The following CR1 variants were observed in gnomAD, a reference collection of about 807,000 sequenced individuals.
The protein encoded by CR1 is complement receptor type 1.
In CR1, 116 loss-of-function variants were observed where a neutral mutation model predicts 187.3. The ratio of observed to expected loss-of-function variants is 0.62; its 90% CI spans 0.53 to 0.72. The LOEUF (loss-of-function observed/expected upper bound fraction) is 0.72, where lower values mean the gene tolerates loss of function less well. Ranked by LOEUF, CR1 falls within the 30% of genes least tolerant of loss-of-function variation. CR1 has a pLI of 0.00. For missense variants in CR1, 1,731 were observed against 2,110.7 expected (o/e 0.82, Z 3.52); for synonymous variants, 576 against 747.1 (o/e 0.77, Z 3.73).
chr1:207,611,803 T>G lies in CR1; in HGVS notation c.6422T>G (p.Leu2141Arg). ...PSYDLRGAAS[L>R]HCTPQGDWSP... The stretch of plus-strand genomic sequence containing the variant: ...TATGACCTCAGAGGGGCTGCGTCTC[T>G]GCACTGCACGCCCCAGGGAGACTGG... The change falls in exon 38 of 47, where the codon CTG (leucine) becomes CGG (arginine). Residue 2141 changes from leucine (L) to arginine (R), a missense_variant. Leu to Arg is a moderately radical substitution (Grantham distance 102). This residue lies in a region of CR1 where 1,312 missense variants were observed against 1,379.6 expected (regional missense o/e 0.95). Transcript: ENST00000367049. 6.2e-7 allele frequency: 1 copy of G among 1,614,036 alleles called. No individual in the cohort carries two copies. Among genetic ancestry groups the G allele is most frequent in the South Asian group, 1.1e-5 (1 of 91,090 alleles).
chr1:207,607,921 T>G (rs1204917168), intron 36 of CR1, among the ~76,000 whole-genome samples: 1 of 152,154 alleles, frequency 6.6e-6, no homozygotes, highest in Non-Finnish European at 1.5e-5. Context: ...ATTGGCAAAG[T>G]GTTATAGCTG....
At chr1:207,501,823 T>A (rs1189615802) in intron 1 of CR1, among the ~76,000 whole-genome samples, 4 of 152,146 alleles carry the variant, frequency 2.6e-5, no homozygotes, top group Non-Finnish European at 5.9e-5. Context: ...CATCAATGGA[T>A]AAGACAAATA....
At chr1:207,595,393 A>G (rs1233001810) in intron 35 of CR1, among the ~76,000 whole-genome samples, 1 of 152,172 alleles carries the variant, frequency 6.6e-6, no homozygotes, top group African/African-American at 2.4e-5. Flanking sequence ...AAGGCTTACT[A>G]GACAAATCAA....
At chr1:207,583,831 C>A (rs140144058) in intron 32 of CR1, among the ~76,000 whole-genome samples, 1 of 152,032 alleles carries the variant, frequency 6.6e-6, no homozygotes, top group South Asian at 2.1e-4. Context: ...TACCTGAAAT[C>A]GCTTACTAGA....
At chr1:207,614,018 G>A (rs1662020581) in intron 39 of CR1, among the ~76,000 whole-genome samples, 2 of 152,224 alleles carry the variant, frequency 1.3e-5, no homozygotes, top group East Asian at 3.8e-4. Flanking sequence ...ATGAGAATAA[G>A]TGGGATGTCA....
chr1:207,580,645 T>C (rs1282487418), intron 31 of CR1, 32 bp downstream of exon 31: 1 of 1,574,038 alleles, frequency 6.4e-7, no homozygotes. Flanking sequence ...GATCAGGGAC[T>C]CAGCACTGCA....
rs1214587090 is a variant in CR1 at position 207,640,750 on chromosome 1, T to A, written c.*1341T>A. 1 of 152,264 alleles carries A rather than the reference T, an allele frequency of 6.6e-6. No individual in the cohort carries two copies. The highest frequency in any genetic ancestry group is 1.5e-5 in the Non-Finnish European group (1 of 68,052). 9.4% of individuals were successfully genotyped at this position (152,264 alleles called of 1,614,324 possible). A position where few individuals can be genotyped will look rare whatever the true frequency, so the allele number is the denominator to read the frequency against. ...CCTCTAGAAAACATCAGAATATTTC[T>A]GGATATTTAATAATAGCTTTATATA... On this transcript the variant is annotated 3_prime_UTR_variant, in exon 47 of 47. Coordinates refer to ENST00000367049, the MANE Select transcript of CR1 (RefSeq NM_000651.6).
chr1:207,519,294 T>G (rs1337236699), intron 4 of CR1, among the ~76,000 whole-genome samples: 3 of 151,972 alleles, frequency 2.0e-5, no homozygotes, highest in East Asian at 3.9e-4. Flanking sequence ...AACATTAAAA[T>G]TTAATAATAA....
At chr1:207,636,261 G>A (rs889351162) in intron 46 of CR1, among the ~76,000 whole-genome samples, 2 of 152,024 alleles carry the variant, frequency 1.3e-5, no homozygotes, top group Non-Finnish European at 2.9e-5. Context: ...TAAGATTTGC[G>A]AGGCCATCAG....
chr1:207,580,613 G>T lies in CR1; in HGVS notation c.5216G>T (p.Gly1739Val). The change falls in exon 31 of 47, where the codon GGG (glycine) becomes GTG (valine). Residue 1739 changes from glycine to valine, a missense_variant and splice_region_variant. Gly to Val is a moderately radical substitution (Grantham distance 109, BLOSUM62 -3). Coordinates refer to ENST00000367049, the MANE Select transcript of CR1 (RefSeq NM_000651.6). ...GAKVSFVCDE[G>V]FRLKGSSVSH... The stretch of plus-strand genomic sequence containing the variant: ...AAGGTGTCCTTTGTCTGTGATGAAG[G>T]GTAAGTGTGACCCAGAATTCAGATC... 3 of 1,611,936 alleles carry T rather than the reference G, an allele frequency of 1.9e-6. No homozygotes were observed. The highest frequency in any genetic ancestry group is 2.5e-6 in the Non-Finnish European group (3 of 1,178,788).
intron 35 of CR1, among the ~76,000 whole-genome samples, chr1:207,597,188 G>C (rs1482946405): frequency 6.6e-6 from 1 of 151,076 alleles, no homozygotes; most frequent in Non-Finnish European, 1.5e-5. Context: ...GTTTTGTACA[G>C]TGCTGAGTTC....
Position 207,603,799 on chromosome 1 carries a change from G to A in CR1, c.5811-3452G>A, listed in dbSNP as rs189505906. 1.4e-3 allele frequency among the ~76,000 whole-genome samples: 211 copies of A among 152,200 alleles called. 1 individual carries two copies. The highest frequency in any genetic ancestry group is 0.014 in the Middle Eastern group (4 of 292). On this transcript the variant is annotated intron_variant, in intron 35 of 46. Coordinates refer to ENST00000367049, the MANE Select transcript of CR1 (RefSeq NM_000651.6). ...GTCCTTAATGTCTGGAATTAAAGTGGTTTCGCATTTCAACTGTTAGCAAAA... is the reference window on the plus strand; with the variant it reads ...GTCCTTAATGTCTGGAATTAAAGTGATTTCGCATTTCAACTGTTAGCAAAA...
At chr1:207,612,653 G>A (rs1661968558) in intron 39 of CR1, among the ~76,000 whole-genome samples, 1 of 152,246 alleles carries the variant, frequency 6.6e-6, no homozygotes. Flanking sequence ...TTAGCCCACT[G>A]GGCGGCGTCT....
Position 207,618,113 on chromosome 1 carries a change from G to A in CR1, c.6932G>A (p.Gly2311Glu), listed in dbSNP as rs770551867. Reference sequence around the variant, plus strand: ...AAGATCCAAAACGGGCATTACATTGGAGGACACGTATCTCTATATCTTCCT... The same window carrying A: ...AAGATCCAAAACGGGCATTACATTGAAGGACACGTATCTCTATATCTTCCT... ...PPKIQNGHYIGGHVSLYLPGM... is the reference protein window; with the variant it reads ...PPKIQNGHYIEGHVSLYLPGM... The change falls in exon 42 of 47, where the codon GGA becomes GAA. Residue 2311 changes from glycine to glutamate, a missense_variant. Physicochemically the swap from Gly to Glu is moderately conservative, Grantham distance 98 (BLOSUM62 -2). This residue lies in a region of CR1 where 1,312 missense variants were observed against 1,379.6 expected (regional missense o/e 0.95). Transcript: ENST00000367049. The A allele has an allele frequency of 1.1e-5, 17 of 1,613,776 alleles. No individual in the cohort carries two copies. The Admixed American group carries it at 2.0e-4, about 19-fold the overall frequency.
chr1:207,563,753 C>T, intron 21 of CR1, 111 bp from the exon 22 acceptor site: 1 of 618,506 alleles, frequency 1.6e-6, no homozygotes, highest in Non-Finnish European at 2.3e-6. Context: ...GGCTGTTATT[C>T]TAACTTTATT....
chr1:207,615,483 C>T (rs1406790556), intron 40 of CR1, among the ~76,000 whole-genome samples: 2 of 152,090 alleles, frequency 1.3e-5, no homozygotes, highest in Admixed American at 6.5e-5. Flanking sequence ...GTTTCCAAAC[C>T]ATCCGCTTAA....
chr1:207,523,631 C>T lies in CR1; in HGVS notation c.508C>T (p.Pro170Ser). ...ICDRIPCGLPPTITNGDFIST... is the reference protein window; with the variant it reads ...ICDRIPCGLPSTITNGDFIST... ...TCCAGGAATTCCTTGTGGGCTACCC[C>T]CCACCATCACCAATGGAGATTTCAT... Residue 170 changes from proline to serine, a missense_variant, in exon 5 of 47, where the codon CCC becomes TCC. Pro to Ser is a moderately conservative substitution (Grantham distance 74). Coordinates refer to ENST00000367049, the MANE Select transcript of CR1 (RefSeq NM_000651.6). The T allele has an allele frequency of 2.5e-6, 4 of 1,613,934 alleles. No homozygotes were observed. The highest frequency in any genetic ancestry group is 3.4e-6 in the Non-Finnish European group (4 of 1,179,894).
At chr1:207,581,013 G>A (rs971281767) in intron 31 of CR1, among the ~76,000 whole-genome samples, 10 of 151,986 alleles carry the variant, frequency 6.6e-5, no homozygotes, top group African/African-American at 2.4e-4. Flanking sequence ...TAGAGGCTCA[G>A]AAGTAAAATC....
At chr1:207,581,289 T>TATACATATGGACACGTATATGTAG (rs1558245593) in intron 31 of CR1, among the ~76,000 whole-genome samples, 90 of 132,760 alleles carry the variant, frequency 6.8e-4, no homozygotes, top group African/African-American at 3.1e-3. Flanking sequence ...CGTATATGTA[T>TATACATATGGACACGTATATGTAG]ACGTATACAT....
Sources: allele counts gnomAD v4.1 joint callset (sites outside exome capture counted in the v4.1 genomes callset), GRCh38; gene constraint gnomAD v4.1.1; regional missense constraint gnomAD v4.1.1; transcripts MANE v1.5; gene names NCBI Gene and HGNC (gene_info 2026-07-23, HGNC 2026-07-21).